DNAH5: variants seen among roughly 807,000 people sequenced by gnomAD.
The protein encoded by DNAH5 is axonemal beta dynein heavy chain 5.
DNAH5 carries 372 observed loss-of-function variants against 518.2 expected under a neutral mutation model. The observed-to-expected ratio is 0.72, with a 90% confidence interval of 0.66 to 0.78. DNAH5 has a LOEUF of 0.78. DNAH5 is among the 30% of genes least tolerant of loss of function. DNAH5 has a pLI of 0.00. For missense variants in DNAH5, 5,523 were observed against 5,687.0 expected (o/e 0.97, Z 0.93); for synonymous variants, 2,039 against 2,025.9 (o/e 1.01, Z -0.17).
rs371200305 is a variant in DNAH5 at position 13,957,198 on chromosome 5, GCA to G, written c.13-25956_13-25955del. On this transcript the variant is annotated intron_variant, in intron 1 of 78. Coordinates refer to the DNAH5 transcript ENST00000681290. ...CTTCAAGCACAATATGCTAAACAAA[GCA>G]CAGTCTACACTACAGAAGGAGAGAC... Among the ~76,000 whole-genome samples, 244 of 152,172 alleles carry G rather than the reference GCA, an allele frequency of 1.6e-3. 1 individual carries two copies. Among genetic ancestry groups the G allele is most frequent in the African/African-American group, 5.6e-3 (233 of 41,500 alleles).
At chr5:13,882,049 C>G (rs910002276) in intron 21 of DNAH5, among the ~76,000 whole-genome samples, 1 of 151,784 alleles carries the variant, frequency 6.6e-6, no homozygotes, top group Non-Finnish European at 1.5e-5. Flanking sequence ...AATTTTGTGC[C>G]AACCTAGAAG....
intron 1 of DNAH5, among the ~76,000 whole-genome samples, chr5:13,936,220 T>G (rs1778912280): frequency 1.3e-5 from 2 of 152,166 alleles, no homozygotes; most frequent in Admixed American, 1.3e-4. Flanking sequence ...AGGCCACAAT[T>G]TCCTCAACTA....
chr5:13,725,879 C>T (rs973393824), intron 70 of DNAH5, among the ~76,000 whole-genome samples: 23 of 152,154 alleles, frequency 1.5e-4, no homozygotes. Context: ...GTCTTGAACC[C>T]CTGACCTCGT....
chr5:13,792,090 G>A lies in DNAH5; in HGVS notation c.8352C>T (p.Thr2784=), dbSNP rs1343369384. The change falls in exon 50 of 79, where the codon ACC becomes ACT. Residue 2784 remains threonine (T), a synonymous_variant. Coordinates refer to ENST00000265104, the MANE Select transcript of DNAH5 (RefSeq NM_001369.3). ...WQMTKIKMLP[T]PAKFHYVFNL... ...TAAACACATAATGGAATTTTGCAGG[G>A]GTAGGAAGCATTTTAATCTTGGTCA... The A allele has an allele frequency of 6.2e-7, 1 of 1,613,984 alleles. No homozygotes were observed. The highest frequency in any genetic ancestry group is 1.1e-5 in the South Asian group (1 of 91,060).
intron 38 of DNAH5, 121 bp from the exon 39 acceptor site, chr5:13,824,454 G>T: frequency 1.1e-6 from 1 of 951,548 alleles, no homozygotes; most frequent in Non-Finnish European, 1.6e-6. Context: ...TTCAGAAAAT[G>T]CATACACACA....
intron 54 of DNAH5, 105 bp downstream of exon 54, chr5:13,777,097 C>A (rs1754204962): frequency 4.6e-6 from 5 of 1,089,630 alleles, no homozygotes; most frequent in Non-Finnish European, 6.8e-6. Context: ...TAATACCCAT[C>A]CCCAATAGCA....
At chr5:13,822,526 C>T (rs1282376345) in intron 40 of DNAH5, among the ~76,000 whole-genome samples, 3 of 151,762 alleles carry the variant, frequency 2.0e-5, no homozygotes, top group Non-Finnish European at 4.4e-5. Context: ...GCAGGGATTA[C>T]AGGCATGAGC....
intron 16 of DNAH5, among the ~76,000 whole-genome samples, chr5:13,891,873 C>T (rs558166117): frequency 1.7e-4 from 26 of 152,282 alleles, no homozygotes; most frequent in Middle Eastern, 3.4e-3. Context: ...CTAACAACAA[C>T]TGCACATCAA....
intron 14 of DNAH5, 98 bp downstream of exon 14, chr5:13,901,154 C>T: frequency 2.2e-6 from 3 of 1,344,224 alleles, no homozygotes; most frequent in South Asian, 1.2e-5. Context: ...TACAAAACAC[C>T]TACAAATCCA....
chr5:13,742,631 CA>C (rs1328314480), intron 65 of DNAH5, among the ~76,000 whole-genome samples: 1 of 151,932 alleles, frequency 6.6e-6, no homozygotes, highest in Non-Finnish European at 1.5e-5. Flanking sequence ...CTTGATAAAG[CA>C]AAAATAGTAA....
chr5:13,955,714 T>C (rs1477701909), intron 1 of DNAH5, among the ~76,000 whole-genome samples: 2 of 151,952 alleles, frequency 1.3e-5, no homozygotes, highest in African/African-American at 4.8e-5. Context: ...TTTTTCTCTT[T>C]AAGAAAAAAA....
chr5:13,949,781 T>C lies in DNAH5; in HGVS notation c.13-18537A>G, dbSNP rs146521664. On this transcript the variant is annotated intron_variant, in intron 1 of 78. Transcript: ENST00000681290. The stretch of plus-strand genomic sequence containing the variant: ...CGGAGGGATACATTAAAGAAAAGAC[T>C]GTCTAAGAAGTATCTCTGTCTTCCC... Among the ~76,000 whole-genome samples, 40 of 152,324 alleles carry C rather than the reference T, an allele frequency of 2.6e-4. 1 individual carries two copies. In the East Asian group the frequency reaches 7.1e-3, roughly 27 times the overall value.
At chr5:14,000,714 C>T (rs926810507) in intron 1 of DNAH5, among the ~76,000 whole-genome samples, 1 of 152,048 alleles carries the variant, frequency 6.6e-6, no homozygotes, top group African/African-American at 2.4e-5. Context: ...TTAGGCCAGC[C>T]ACTGTGGAAA....
At chr5:13,727,707 AGT>A (rs1197362001) in intron 69 of DNAH5, 51 bp from the exon 70 acceptor site, 1 of 1,601,380 alleles carries the variant, frequency 6.2e-7, no homozygotes, top group Admixed American at 1.7e-5. Flanking sequence ...ACAATCTTTC[AGT>A]AACAGGTCAT....
intron 1 of DNAH5, among the ~76,000 whole-genome samples, chr5:13,940,529 T>C (rs560947531): frequency 5.9e-5 from 9 of 152,330 alleles, no homozygotes; most frequent in Non-Finnish European, 1.0e-4. Flanking sequence ...ATTGGAATCA[T>C]TGGAGAGCTG....
intron 52 of DNAH5, 45 bp from the exon 53 acceptor site, chr5:13,781,004 T>C: frequency 1.2e-6 from 2 of 1,604,504 alleles, no homozygotes; most frequent in African/African-American, 1.3e-5. Flanking sequence ...AACATGTAAA[T>C]GTTCTATTTT....
At chr5:13,760,437 C>G (rs1157008833) in intron 60 of DNAH5, among the ~76,000 whole-genome samples, 2 of 151,970 alleles carry the variant, frequency 1.3e-5, no homozygotes, top group African/African-American at 4.8e-5. Context: ...AAGTCTAGTC[C>G]CCGGCACATA....
intron 1 of DNAH5, among the ~76,000 whole-genome samples, chr5:13,982,349 C>T (rs115865458): frequency 0.063 from 9,518 of 151,386 alleles, 372 homozygotes; most frequent in Non-Finnish European, 0.087. Context: ...CGTAGACATA[C>T]GCATTATTGC....
At chr5:13,776,299 G>A (rs1754077685) in intron 55 of DNAH5, 140 bp downstream of exon 55, 2 of 1,130,996 alleles carry the variant, frequency 1.8e-6, no homozygotes, top group Non-Finnish European at 2.7e-6. Flanking sequence ...TGCTGTCCAT[G>A]AGATTAAACC....
Sources: gnomAD v4.1 joint callset for allele counts (sites outside exome capture counted in the v4.1 genomes callset) on GRCh38, gnomAD v4.1.1 for gene constraint, MANE v1.5 for transcripts, NCBI Gene and HGNC (gene_info 2026-07-23, HGNC 2026-07-21) for gene names.